The following PRDM1 variants were observed in gnomAD, a reference collection of about 807,000 sequenced individuals.
The protein encoded by PRDM1 is PR domain zinc finger protein 1.
A neutral mutation model predicts 62.8 loss-of-function variants in PRDM1; 13 were observed. The ratio of observed to expected loss-of-function variants is 0.21; its 90% CI spans 0.13 to 0.33. The LOEUF is 0.33. PRDM1 is among the 10% of genes least tolerant of loss of function. PRDM1 has a pLI of 1.00. For synonymous variants in PRDM1, 396 were observed against 417.6 expected (o/e 0.95, Z 0.63); for missense variants, 895 against 1,058.8 (o/e 0.85, Z 2.15).
rs1774483596 is a variant in PRDM1, at chr6:106,106,224, A to G, written c.1774-147A>G. 1 of 1,323,894 alleles carries G rather than the reference A, an allele frequency of 7.6e-7. No homozygotes were observed. Among genetic ancestry groups the G allele is most frequent in the Non-Finnish European group, 1.0e-6 (1 of 971,782 alleles). 82.0% of individuals were successfully genotyped at this position (1,323,894 alleles called of 1,614,324 possible). ...TTTTTGTGCTTTTAAGAAAAACACC[A>G]TTCTGAAAACATGAAGATTTCTTCT... is the stretch of plus-strand genomic sequence containing the variant. On this transcript the variant is annotated intron_variant, in intron 5 of 6. Transcript: ENST00000369096. This position sits in a 1 kb window ranked among gnomAD's most constrained non-coding sequence, Gnocchi z 4.4.
Position 106,022,207 on chromosome 6 carries a change from T to C in PRDM1, c.-67+28568T>C, listed in dbSNP as rs796363291. Among the ~76,000 whole-genome samples, 5 of 152,216 alleles carry C rather than the reference T, an allele frequency of 3.3e-5. No homozygotes were observed. The South Asian group carries it at 6.2e-4, about 19-fold the overall frequency. Reference sequence around the variant, plus strand: ...TGCAAATCTTCTAGATAATTGGGCATTTACCCTTAAGCACTAAGTGGAATA... The same window carrying C: ...TGCAAATCTTCTAGATAATTGGGCACTTACCCTTAAGCACTAAGTGGAATA... On this transcript the variant is annotated intron_variant, in intron 1 of 6. Transcript: ENST00000652320.
chr6:105,999,740 A>G (rs1045316531), intron 1 of PRDM1, among the ~76,000 whole-genome samples: 9 of 152,248 alleles, frequency 5.9e-5, no homozygotes, highest in African/African-American at 1.7e-4. Context: ...TTATGGGTTA[A>G]ATATAAGTTA....
At chr6:106,071,376 CGT>C (rs994708008) in intron 1 of PRDM1, among the ~76,000 whole-genome samples, 11 of 151,974 alleles carry the variant, frequency 7.2e-5, no homozygotes, top group East Asian at 5.8e-4. Context: ...ATGTAAGTCA[CGT>C]GTGTATATAT....
Position 106,108,770 on chromosome 6 carries a change from A to ACCCC in PRDM1, c.*1284_*1285insCCCC. 1 of 233,080 alleles carries ACCCC rather than the reference A, an allele frequency of 4.3e-6. No homozygotes were observed. Among genetic ancestry groups the ACCCC allele is most frequent in the South Asian group, 1.8e-4 (1 of 5,522 alleles). 14.4% of individuals were successfully genotyped at this position (233,080 alleles called of 1,614,324 possible). Reference sequence around the variant, plus strand: ...TGTTTTTACATTTTATGGTTAATTTAATGGAAGATGAAAGGGCATTGCAAA... The same window carrying ACCCC: ...TGTTTTTACATTTTATGGTTAATTTACCCCATGGAAGATGAAAGGGCATTGCAAA... On this transcript the variant is annotated 3_prime_UTR_variant, in exon 7 of 7. Transcript: ENST00000369096.
At chr6:106,002,204 A>C (rs1772434248) in intron 1 of PRDM1, among the ~76,000 whole-genome samples, 1 of 152,130 alleles carries the variant, frequency 6.6e-6, no homozygotes, top group Admixed American at 6.6e-5. Flanking sequence ...TCCTTTTGTC[A>C]TTAAGCAGAG....
At chr6:106,034,911 A>G (rs1282178225) in intron 1 of PRDM1, among the ~76,000 whole-genome samples, 1 of 152,218 alleles carries the variant, frequency 6.6e-6, no homozygotes, top group Admixed American at 6.5e-5. Flanking sequence ...GGAGGATTAC[A>G]GGTGTGAGCC....
chr6:106,028,945 C>T (rs1314691721), intron 1 of PRDM1, among the ~76,000 whole-genome samples: 19 of 139,798 alleles, frequency 1.4e-4, no homozygotes, highest in African/African-American at 4.8e-4. Flanking sequence ...TTTTTGAGAC[C>T]GAGTCTTGCT....
At chr6:105,998,673 T>C (rs187588279) in intron 1 of PRDM1, among the ~76,000 whole-genome samples, 57 of 152,180 alleles carry the variant, frequency 3.7e-4, no homozygotes, top group African/African-American at 1.3e-3. Context: ...GTCCACCTAA[T>C]TTAAAATAAA....
At chr6:106,008,131 G>A (rs1224020537) in intron 1 of PRDM1, among the ~76,000 whole-genome samples, 1 of 152,142 alleles carries the variant, frequency 6.6e-6, no homozygotes, top group African/African-American at 2.4e-5. Context: ...CCAACACTTT[G>A]GGAGGCTGAG....
At chr6:106,034,436 T>G (rs7762426) in intron 1 of PRDM1, among the ~76,000 whole-genome samples, 135,901 of 151,628 alleles carry the variant, frequency 0.9, 60,971 homozygotes, top group South Asian at 0.94. Flanking sequence ...CATAAGTTTT[T>G]GCATGTCGTA....
intron 1 of PRDM1, among the ~76,000 whole-genome samples, chr6:106,018,616 C>A (rs1772653740): frequency 6.6e-6 from 1 of 152,088 alleles, no homozygotes; most frequent in South Asian, 2.1e-4. Flanking sequence ...GAGCAGTGGG[C>A]AGCTCTATTT....
intron 1 of PRDM1, among the ~76,000 whole-genome samples, chr6:106,074,643 A>C (rs1449830792): frequency 6.6e-6 from 1 of 152,208 alleles, no homozygotes; most frequent in East Asian, 1.9e-4. Context: ...TAGATGAAAC[A>C]ACTATAGAAT....
intron 1 of PRDM1, among the ~76,000 whole-genome samples, chr6:106,038,014 C>CTTTTTT (rs1227783243): frequency 0.019 from 898 of 47,738 alleles, 269 homozygotes; most frequent in East Asian, 0.069. Context: ...CTATTTTTGT[C>CTTTTTT]TTTTTTTTTT....
At chr6:106,039,101 A>G (rs1772959028) in intron 1 of PRDM1, among the ~76,000 whole-genome samples, 1 of 109,472 alleles carries the variant, frequency 9.1e-6, no homozygotes, top group South Asian at 4.1e-4. Flanking sequence ...TTTTTAAATA[A>G]GTAAGTAATC....
In PRDM1 at chr6:106,105,251, G is replaced by T; in HGVS notation, c.1091G>T (p.Gly364Val). The T allele has an allele frequency of 6.2e-7, 1 of 1,613,578 alleles. No individual in the cohort carries two copies. Among genetic ancestry groups the T allele is most frequent in the South Asian group, 1.1e-5 (1 of 91,070 alleles). Residue 364 changes from glycine (G) to valine (V), a missense_variant, in exon 5 of 7, where the codon GGC (glycine) becomes GTC (valine). Coordinates refer to ENST00000369096, the MANE Select transcript of PRDM1 (RefSeq NM_001198.4). The part of the protein sequence containing the change: ...SSPGNTVSPV[G>V]PGSQEHRDSY... ...CCTGGGAATACGGTGTCCCCTGTGG[G>T]CCCCGGCTCTCAAGAGCACCGGGAC... is the stretch of plus-strand genomic sequence containing the variant.
At chr6:106,046,259 G>A (rs554330576), upstream of PRDM1, 2 of 152,394 alleles carry the variant, frequency 1.3e-5, no homozygotes, top group African/African-American at 2.4e-5. Flanking sequence ...GGGGCTCCTG[G>A]GGGGAGGGGA....
rs112478440 is a variant in PRDM1 at position 106,018,042 on chromosome 6, G to C, written c.-67+24403G>C. Among the ~76,000 whole-genome samples the C allele has an allele frequency of 1.7e-3, 254 of 152,182 alleles. 3 individuals carry two copies. The highest frequency in any genetic ancestry group is 5.6e-3 in the African/African-American group (231 of 41,508). ...GAAATTAACAGATGAGATTGCTCAGGAGCTTTATATGTGACCATGTAACTA... is the reference window on the plus strand; with the variant it reads ...GAAATTAACAGATGAGATTGCTCAGCAGCTTTATATGTGACCATGTAACTA... On this transcript the variant is annotated intron_variant, in intron 1 of 6. Coordinates refer to the PRDM1 transcript ENST00000652320.
intron 1 of PRDM1, among the ~76,000 whole-genome samples, chr6:106,020,291 G>A (rs998477593): frequency 4.6e-5 from 7 of 151,610 alleles, no homozygotes; most frequent in African/African-American, 1.5e-4. Context: ...ATTTATATGT[G>A]TATTTTTACC....
chr6:106,022,302 G>C (rs930183212), intron 1 of PRDM1, among the ~76,000 whole-genome samples: 1 of 152,170 alleles, frequency 6.6e-6, no homozygotes, highest in African/African-American at 2.4e-5. Flanking sequence ...ACCTAGGCTG[G>C]AGTATGGTGG....
Sources: allele counts gnomAD v4.1 joint callset (sites outside exome capture counted in the v4.1 genomes callset), GRCh38; gene constraint gnomAD v4.1.1; non-coding constraint Gnocchi (gnomAD v3.1); transcripts MANE v1.5; gene names NCBI Gene and HGNC (gene_info 2026-07-23, HGNC 2026-07-21).